TUNAR: variants seen among roughly 807,000 people sequenced by gnomAD.
TUNAR encodes the protein protein TUNAR.
At chr14:95,919,714 A>AAAT (rs1400411172) in intron 2 of TUNAR, among the ~76,000 whole-genome samples, 61 of 152,168 alleles carry the variant, frequency 4.0e-4, no homozygotes, top group African/African-American at 1.3e-3. Flanking sequence ...GCCTGTCTCA[A>AAAT]AATAATAATA....
At chr14:95,911,355 G>C (rs371222121) in intron 2 of TUNAR, among the ~76,000 whole-genome samples, 3 of 152,198 alleles carry the variant, frequency 2.0e-5, no homozygotes, top group African/African-American at 7.2e-5. Context: ...AGTTCACTGC[G>C]TGCCCTCTCT....
exon 3 of TUNAR, chr14:95,923,499 T>C (rs1308819460): frequency 6.6e-6 from 1 of 152,254 alleles, no homozygotes; most frequent in Non-Finnish European, 1.5e-5. Flanking sequence ...TTTCATTGGC[T>C]TGACATGTGT....
At chr14:95,916,561 A>T (rs530858002) in intron 2 of TUNAR, among the ~76,000 whole-genome samples, 1 of 152,190 alleles carries the variant, frequency 6.6e-6, no homozygotes, top group Non-Finnish European at 1.5e-5. Context: ...CATTTTGCTT[A>T]TGCTGACATT....
At chr14:95,907,236 T>C (rs1335778808) in intron 2 of TUNAR, among the ~76,000 whole-genome samples, 1 of 152,202 alleles carries the variant, frequency 6.6e-6, no homozygotes, top group Non-Finnish European at 1.5e-5. Context: ...ATTTTTGCAT[T>C]TACAAATGAG....
chr14:95,920,095 C>T (rs972575673), intron 2 of TUNAR, among the ~76,000 whole-genome samples: 3 of 152,150 alleles, frequency 2.0e-5, no homozygotes, highest in African/African-American at 7.2e-5. Context: ...GTGAACGAGC[C>T]ACAGCTATAC....
intron 2 of TUNAR, among the ~76,000 whole-genome samples, chr14:95,908,495 C>A (rs1366636990): frequency 2.0e-5 from 3 of 152,244 alleles, no homozygotes; most frequent in East Asian, 3.8e-4. Flanking sequence ...TCTCTCATGA[C>A]AACTTACTGA....
At chr14:95,891,928 C>T (rs1466063011) in intron 2 of TUNAR, among the ~76,000 whole-genome samples, 1 of 152,216 alleles carries the variant, frequency 6.6e-6, no homozygotes, top group African/African-American at 2.4e-5. Flanking sequence ...AGCCTCTGCC[C>T]CGTCTTCCCA....
chr14:95,880,638 G>A lies in TUNAR; in HGVS notation c.12+3461G>A. Among the ~76,000 whole-genome samples, 4 of 152,356 alleles carry A rather than the reference G, an allele frequency of 2.6e-5. No individual in the cohort carries two copies. In the South Asian group the frequency reaches 8.3e-4, roughly 32 times the overall value. The stretch of plus-strand genomic sequence containing the variant: ...GTTCCTGGAAGGTAAGGAAGGGGAA[G>A]TATGTAATTTGAAAATGGAGAGTAC... On this transcript the variant is annotated intron_variant, in intron 2 of 2. Coordinates refer to ENST00000678517, the Ensembl canonical transcript of TUNAR.
chr14:95,910,934 G>T (rs540867759), intron 2 of TUNAR, among the ~76,000 whole-genome samples: 127 of 152,342 alleles, frequency 8.3e-4, no homozygotes, highest in African/African-American at 2.9e-3. Flanking sequence ...TGGAGAGCCG[G>T]TTACCCATTT....
intron 2 of TUNAR, among the ~76,000 whole-genome samples, chr14:95,886,983 G>C (rs1889088434): frequency 6.6e-6 from 1 of 152,162 alleles, no homozygotes; most frequent in African/African-American, 2.4e-5. Context: ...TCTGAAGCTT[G>C]TGTGGAAGTT....
At position 95,918,111 on chromosome 14, in the gene TUNAR, T is replaced by C. The variant is rs149514830; in HGVS notation, c.13-4670T>C. On this transcript the variant is annotated intron_variant, in intron 2 of 2. Transcript: ENST00000678517. ...TTTATTTTTAATTTTTTAAATTTTA[T>C]TTTTTAAGTTTTAATTTTTGTGGCT... Among the ~76,000 whole-genome samples, 649 of 152,354 alleles carry C rather than the reference T, an allele frequency of 4.3e-3. 1 individual carries two copies. Among genetic ancestry groups the C allele is most frequent in the African/African-American group, 0.015 (619 of 41,580 alleles).
chr14:95,899,334 CA>C (rs1386266580), intron 2 of TUNAR, among the ~76,000 whole-genome samples: 3 of 152,154 alleles, frequency 2.0e-5, no homozygotes, highest in African/African-American at 7.2e-5. Flanking sequence ...CAGCCCCCCA[CA>C]AAAAGCTCAG....
At chr14:95,890,942 G>A (rs570869016) in intron 2 of TUNAR, among the ~76,000 whole-genome samples, 5 of 152,246 alleles carry the variant, frequency 3.3e-5, no homozygotes, top group South Asian at 2.1e-4. Flanking sequence ...CACAGCACTC[G>A]GAGTCCTCAG....
At chr14:95,880,963 GTC>G (rs1888969565) in intron 2 of TUNAR, among the ~76,000 whole-genome samples, 1 of 152,190 alleles carries the variant, frequency 6.6e-6, no homozygotes, top group African/African-American at 2.4e-5. Flanking sequence ...GTCTTTCTTA[GTC>G]TCTAATAATT....
Position 95,922,771 on chromosome 14 carries a change from C to G in TUNAR, c.13-10C>G, listed in dbSNP as rs976008238. On this transcript the variant is annotated splice_polypyrimidine_tract_variant and intron_variant, in intron 2 of 2. Coordinates refer to ENST00000678517, the Ensembl canonical transcript of TUNAR. ...TGATCATCTTTTGTGCTGCCTCTTT[C>G]CAATTACAGGTTAGCCTGGCAAGGA... The G allele has an allele frequency of 3.3e-5, 13 of 398,808 alleles. No individual in the cohort carries two copies. Among genetic ancestry groups the G allele is most frequent in the Non-Finnish European group, 4.9e-5 (11 of 226,028 alleles). The allele number at this position is 398,808 out of a possible 1,614,324, so 24.7% of individuals were successfully genotyped here. A position where few individuals can be genotyped will look rare whatever the true frequency, so the allele number is the denominator to read the frequency against.
chr14:95,916,623 A>C (rs1889611215), intron 2 of TUNAR, among the ~76,000 whole-genome samples: 1 of 152,044 alleles, frequency 6.6e-6, no homozygotes, highest in South Asian at 2.1e-4. Flanking sequence ...TTGCAGGTGT[A>C]CTCGGTGTGT....
rs114162423 is a variant in TUNAR, at chr14:95,900,604, G to T, written c.13-22177G>T. Among the ~76,000 whole-genome samples the T allele has an allele frequency of 4.1e-3, 626 of 152,340 alleles. 2 individuals carry two copies. Among genetic ancestry groups the T allele is most frequent in the African/African-American group, 0.014 (594 of 41,580 alleles). On this transcript the variant is annotated intron_variant, in intron 2 of 2. Coordinates refer to ENST00000678517, the Ensembl canonical transcript of TUNAR. ...GGCACAGTGCCTCCTTCTTAGGTCT[G>T]TGCTGGGGAGTAAATGAGCCAGCCA... is the stretch of plus-strand genomic sequence containing the variant.
chr14:95,878,261 G>A (rs767404605), intron 2 of TUNAR, among the ~76,000 whole-genome samples: 2 of 152,194 alleles, frequency 1.3e-5, no homozygotes, highest in East Asian at 1.9e-4. Flanking sequence ...CTGGCTTGCC[G>A]CTGTTAGCTG....
At chr14:95,922,735 A>G (rs1889717389) in intron 2 of TUNAR, 46 bp from the exon 2 acceptor site, 1 of 398,184 alleles carries the variant, frequency 2.5e-6, no homozygotes, top group Non-Finnish European at 4.4e-6. Flanking sequence ...TATGGAGGGC[A>G]TGCTTATAAA....
Sources: gnomAD v4.1 joint callset for allele counts (sites outside exome capture counted in the v4.1 genomes callset) on GRCh38, gnomAD v4.1.1 for gene constraint, MANE v1.5 for transcripts, NCBI Gene and HGNC (gene_info 2026-07-23, HGNC 2026-07-21) for gene names.